The following NCBP3 variants were observed in gnomAD, a reference collection of about 807,000 sequenced individuals.
The protein encoded by NCBP3 is nuclear cap-binding protein subunit 3.
In NCBP3, 20 loss-of-function variants were observed where a neutral mutation model predicts 75.7. The observed-to-expected ratio is 0.26, with a 90% confidence interval of 0.19 to 0.38. The LOEUF is 0.38. Among genes scored for constraint, NCBP3 ranks in the 10% least tolerant of loss-of-function variants. The pLI is 1.00. For missense variants in NCBP3, 678 were observed against 796.9 expected, an observed-to-expected ratio of 0.85 and a Z score of 1.80; for synonymous variants, 293 against 290.5, an observed-to-expected ratio of 1.01 and a Z score of -0.09.
At position 3,829,139 on chromosome 17, in the gene NCBP3, A is replaced by C. The variant is rs1485569529; in HGVS notation, c.481+104T>G. 3.1e-6 allele frequency: 4 copies of C among 1,298,204 alleles called. No homozygotes were observed. In the African/African-American group the frequency reaches 4.5e-5, roughly 15 times the overall value. The allele number at this position is 1,298,204 out of a possible 1,614,324, so 80.4% of individuals were successfully genotyped here. On this transcript the variant is annotated intron_variant, in intron 4 of 12. Coordinates refer to ENST00000389005, the MANE Select transcript of NCBP3 (RefSeq NM_001114118.3). ...CCTGGACTAACAGCAGAAGTTCGGCATAAACAAGTAGTATGGGCCAGAACC... is the reference window on the plus strand; with the variant it reads ...CCTGGACTAACAGCAGAAGTTCGGCCTAAACAAGTAGTATGGGCCAGAACC...
rs1471762788 is a variant in NCBP3, at chr17:3,803,786, G to C, written c.*9258C>G. 1.3e-5 allele frequency: 2 copies of C among 152,016 alleles called. No individual in the cohort carries two copies. The highest frequency in any genetic ancestry group is 2.9e-5 in the Non-Finnish European group (2 of 67,992). 9.4% of individuals were successfully genotyped at this position (152,016 alleles called of 1,614,324 possible). A position where few individuals can be genotyped will look rare whatever the true frequency, so the allele number is the denominator to read the frequency against. On this transcript the variant is annotated 3_prime_UTR_variant, in exon 13 of 13. Coordinates refer to ENST00000389005, the MANE Select transcript of NCBP3 (RefSeq NM_001114118.3). ...GGAAGAATAAAGTTTTTAAAAAATG[G>C]GCAGGTGGGCCAGGCGCGGTGGCTC...
intron 1 of NCBP3, among the ~76,000 whole-genome samples, chr17:3,845,566 G>A (rs2054147781): frequency 6.6e-6 from 1 of 152,186 alleles, no homozygotes; most frequent in Non-Finnish European, 1.5e-5. Flanking sequence ...GCTGACAAGT[G>A]CAGCCCTCTC....
At chr17:3,833,685 T>A (rs1197041564) in intron 3 of NCBP3, among the ~76,000 whole-genome samples, 2 of 152,050 alleles carry the variant, frequency 1.3e-5, no homozygotes, top group Non-Finnish European at 1.5e-5. Context: ...ATTTTGTTCC[T>A]TACACTCTTT....
chr17:3,841,829 TCTC>T, intron 2 of NCBP3, among the ~76,000 whole-genome samples: 1 of 77,906 alleles, frequency 1.3e-5, no homozygotes, highest in Non-Finnish European at 3.3e-5. Context: ...TGAGACTCTG[TCTC>T]AAAAAAAAAA....
intron 12 of NCBP3, among the ~76,000 whole-genome samples, chr17:3,813,821 G>A (rs1597391857): frequency 6.6e-6 from 1 of 151,892 alleles, no homozygotes; most frequent in Admixed American, 6.6e-5. Flanking sequence ...CCACCACCAC[G>A]CCCGGCTCAT....
chr17:3,802,663 TTCATTCTGCGC>T lies in NCBP3; in HGVS notation c.*10370_*10380del, dbSNP rs1464597470. The T allele has an allele frequency of 1.3e-5, 2 of 152,292 alleles. No homozygotes were observed. The highest frequency in any genetic ancestry group is 2.9e-5 in the Non-Finnish European group (2 of 68,122). 9.4% of individuals were successfully genotyped at this position (152,292 alleles called of 1,614,324 possible). On this transcript the variant is annotated 3_prime_UTR_variant, in exon 13 of 13. Coordinates refer to ENST00000389005, the MANE Select transcript of NCBP3 (RefSeq NM_001114118.3). ...CTCGTGACCCTCCTCCTCCCCTCACTTCATTCTGCGCTCCAAGGGCACTGGGGAGAGTCACA... is the reference window on the plus strand; with the variant it reads ...CTCGTGACCCTCCTCCTCCCCTCACTTCCAAGGGCACTGGGGAGAGTCACA...
chr17:3,818,071 T>TTTATG lies in NCBP3; in HGVS notation c.1310+191_1310+192insCATAA, dbSNP rs1457607961. 5.3e-5 allele frequency among the ~76,000 whole-genome samples: 8 copies of TTTATG among 152,304 alleles called. No individual in the cohort carries two copies. Among genetic ancestry groups the TTTATG allele is most frequent in the African/African-American group, 1.9e-4 (8 of 41,550 alleles). On this transcript the variant is annotated intron_variant, in intron 10 of 12. Coordinates refer to ENST00000389005, the MANE Select transcript of NCBP3 (RefSeq NM_001114118.3). The surrounding 1 kb of genome is among the most constrained non-coding windows in gnomAD (Gnocchi z 4.7). ...ATGGGAATACAGATGATTTTCACTT[T>TTTATG]CTATGTTGTCTTTTGTTTTTATAAC...
At position 3,808,142 on chromosome 17, in the gene NCBP3, A is replaced by G. The variant is rs538285019; in HGVS notation, c.*4902T>C. On this transcript the variant is annotated 3_prime_UTR_variant, in exon 13 of 13. Coordinates refer to ENST00000389005, the MANE Select transcript of NCBP3 (RefSeq NM_001114118.3). Reference sequence around the variant, plus strand: ...CCTGCCTCAGTTCCCAAGCTCCCCAAAAGTGATCTTCTCGCCTAAATGTGG... The same window carrying G: ...CCTGCCTCAGTTCCCAAGCTCCCCAGAAGTGATCTTCTCGCCTAAATGTGG... 6.6e-6 allele frequency: 1 copy of G among 152,344 alleles called. No homozygotes were observed. The highest frequency in any genetic ancestry group is 1.5e-5 in the Non-Finnish European group (1 of 68,058). The allele number at this position is 152,344 out of a possible 1,614,324, so 9.4% of individuals were successfully genotyped here. A position where few individuals can be genotyped will look rare whatever the true frequency, so the allele number is the denominator to read the frequency against.
intron 1 of NCBP3, among the ~76,000 whole-genome samples, chr17:3,844,961 G>T (rs78386303): frequency 6.6e-6 from 1 of 152,090 alleles, no homozygotes; most frequent in Non-Finnish European, 1.5e-5. Flanking sequence ...AAACCATGTT[G>T]AACTGAATGA....
Position 3,809,210 on chromosome 17 carries a change from G to A in NCBP3, c.*3834C>T, listed in dbSNP as rs900293345. 2.0e-5 allele frequency: 3 copies of A among 152,058 alleles called. No individual in the cohort carries two copies. Among genetic ancestry groups the A allele is most frequent in the African/African-American group, 4.8e-5 (2 of 41,386 alleles). The allele number at this position is 152,058 out of a possible 1,614,324, so 9.4% of individuals were successfully genotyped here. Reference sequence around the variant, plus strand: ...AAATAATGAGTGTTGGTGGAGATGTGGAGAAACTGGAACCCTCGCACACTG... The same window carrying A: ...AAATAATGAGTGTTGGTGGAGATGTAGAGAAACTGGAACCCTCGCACACTG... On this transcript the variant is annotated 3_prime_UTR_variant, in exon 13 of 13. Coordinates refer to ENST00000389005, the MANE Select transcript of NCBP3 (RefSeq NM_001114118.3).
In NCBP3 at chr17:3,821,285, C is replaced by T. The variant is rs1240018591; in HGVS notation, c.964G>A (p.Asp322Asn). Residue 322 changes from aspartate to asparagine, a missense_variant, in exon 9 of 13, where the codon GAC becomes AAC. By Grantham distance (23) the Asp-to-Asn change is conservative. Around this residue, in one of 7 missense-constraint regions of NCBP3, gnomAD observed 365 missense variants for 392.7 expected, o/e 0.93. Transcript: ENST00000389005. The part of the protein sequence containing the change: ...VIKKRALIGD[D>N]VGLTSYKHRH... Reference sequence around the variant, plus strand: ...TGTTTATACGACGTCAAGCCAACGTCATCCCCAATCAGGGCTCTCTTCTTG... The same window carrying T: ...TGTTTATACGACGTCAAGCCAACGTTATCCCCAATCAGGGCTCTCTTCTTG... The T allele has an allele frequency of 6.2e-7, 1 of 1,614,136 alleles. No individual in the cohort carries two copies. Among genetic ancestry groups the T allele is most frequent in the Non-Finnish European group, 8.5e-7 (1 of 1,179,978 alleles).
At chr17:3,833,638 C>G (rs2053922990) in intron 3 of NCBP3, among the ~76,000 whole-genome samples, 1 of 145,408 alleles carries the variant, frequency 6.9e-6, no homozygotes, top group African/African-American at 2.5e-5. Context: ...GAGACCTTCT[C>G]TATTTTTTTT....
chr17:3,834,579 C>T (rs1043163049), intron 3 of NCBP3, among the ~76,000 whole-genome samples: 1 of 152,126 alleles, frequency 6.6e-6, no homozygotes, highest in Non-Finnish European at 1.5e-5. Flanking sequence ...AGTTCAAGAC[C>T]AGCCTGACCA....
chr17:3,810,351 A>G lies in NCBP3; in HGVS notation c.*2693T>C, dbSNP rs1015001267. ...GAGACTACATCCTGAGGACGCCACA[A>G]ATTATCCTGGGTACCTGGTAACTCT... is the stretch of plus-strand genomic sequence containing the variant. On this transcript the variant is annotated 3_prime_UTR_variant, in exon 13 of 13. Transcript: ENST00000389005. 3.9e-5 allele frequency: 6 copies of G among 152,218 alleles called. No individual in the cohort carries two copies. Among genetic ancestry groups the G allele is most frequent in the African/African-American group, 1.4e-4 (6 of 41,440 alleles). 9.4% of individuals were successfully genotyped at this position (152,218 alleles called of 1,614,324 possible).
intron 2 of NCBP3, among the ~76,000 whole-genome samples, chr17:3,841,139 G>A (rs2054056422): frequency 6.6e-6 from 1 of 152,266 alleles, no homozygotes; most frequent in East Asian, 1.9e-4. Flanking sequence ...ACCACGCCCA[G>A]CTAATTTTTG....
chr17:3,807,957 A>G lies in NCBP3; in HGVS notation c.*5087T>C, dbSNP rs957107239. 1.3e-5 allele frequency: 2 copies of G among 152,238 alleles called. No homozygotes were observed. The highest frequency in any genetic ancestry group is 6.5e-5 in the Admixed American group (1 of 15,276). The allele number at this position is 152,238 out of a possible 1,614,324, so 9.4% of individuals were successfully genotyped here. On this transcript the variant is annotated 3_prime_UTR_variant, in exon 13 of 13. Coordinates refer to ENST00000389005, the MANE Select transcript of NCBP3 (RefSeq NM_001114118.3). ...GTGGGGTACAGTGATTTGGCATTAT[A>G]CACACATTTCGCTTAAACACAATGG...
chr17:3,836,882 G>A (rs1278861418), intron 3 of NCBP3, among the ~76,000 whole-genome samples: 4 of 152,072 alleles, frequency 2.6e-5, no homozygotes, highest in Non-Finnish European at 5.9e-5. Context: ...CTGGCGCAAT[G>A]GCTCACACCT....
chr17:3,812,444 AT>A lies in NCBP3; in HGVS notation c.*599del. ...ACGTAAGAGGCCCATGCCATGAGCA[AT>A]CCCCGAGGGAAGAACGGAAGCACAG... On this transcript the variant is annotated 3_prime_UTR_variant, in exon 13 of 13. Transcript: ENST00000389005. 1.1e-6 allele frequency: 1 copy of A among 916,692 alleles called. No individual in the cohort carries two copies. Among genetic ancestry groups the A allele is most frequent in the African/African-American group, 1.8e-5 (1 of 55,898 alleles). The allele number at this position is 916,692 out of a possible 1,614,324, so 56.8% of individuals were successfully genotyped here. A position where few individuals can be genotyped will look rare whatever the true frequency, so the allele number is the denominator to read the frequency against.
In NCBP3 at chr17:3,806,762, T is replaced by C. The variant is rs989782742; in HGVS notation, c.*6282A>G. The C allele has an allele frequency of 2.6e-5, 4 of 151,010 alleles. No individual in the cohort carries two copies. The highest frequency in any genetic ancestry group is 9.7e-5 in the African/African-American group (4 of 41,142). 9.4% of individuals were successfully genotyped at this position (151,010 alleles called of 1,614,324 possible). On this transcript the variant is annotated 3_prime_UTR_variant, in exon 13 of 13. Transcript: ENST00000389005. ...AAGCTACAATATTTTTCTTCTAAGA[T>C]TTATTTTATAAACATGTAAGAAAAG... is the stretch of plus-strand genomic sequence containing the variant.
Sources: gnomAD v4.1 joint callset for allele counts (sites outside exome capture counted in the v4.1 genomes callset) on GRCh38, gnomAD v4.1.1 for gene constraint, gnomAD v4.1.1 regional missense constraint, Gnocchi (gnomAD v3.1) non-coding constraint, MANE v1.5 for transcripts, NCBI Gene and HGNC (gene_info 2026-07-23, HGNC 2026-07-21) for gene names.